PARP8: variants seen among roughly 807,000 people sequenced by gnomAD.
The protein encoded by PARP8 is protein mono-ADP-ribosyltransferase PARP8.
PARP8 carries 51 observed loss-of-function variants against 124.1 expected under a neutral mutation model. That is an observed-to-expected ratio of 0.41 (90% CI 0.33 to 0.52). The LOEUF is 0.52. Ranked by LOEUF, PARP8 falls within the 20% of genes least tolerant of loss-of-function variation. The pLI, the probability that PARP8 is intolerant of heterozygous loss-of-function variation, is 0.21. For synonymous variants in PARP8, 391 were observed against 361.5 expected (o/e 1.08, Z -0.93); for missense variants, 860 against 1,018.9 (o/e 0.84, Z 2.12).
intron 9 of PARP8, among the ~76,000 whole-genome samples, chr5:50,783,203 G>C (rs148237360): frequency 2.0e-5 from 3 of 152,178 alleles, no homozygotes; most frequent in African/African-American, 7.2e-5. Context: ...GGGAGACAGG[G>C]AAGGGAGATG....
At chr5:50,817,092 G>T (rs1745189094) in intron 15 of PARP8, among the ~76,000 whole-genome samples, 1 of 151,998 alleles carries the variant, frequency 6.6e-6, no homozygotes, top group African/African-American at 2.4e-5. Flanking sequence ...CTTTAAAAAA[G>T]AAATTAAAGG....
In PARP8 at chr5:50,819,427, CTTTTTTTTTTTTTTTTT is replaced by C. The variant is rs34347134; in HGVS notation, c.1669-1772_1669-1756del. ...GTCTCAGAAAAGGCTATTTTATCTT[CTTTTTTTTTTTTTTTTT>C]TTTTTTTTTTTTTGAGACGGAGTTT... On this transcript the variant is annotated intron_variant, in intron 15 of 25. Transcript: ENST00000281631. 3.9e-4 allele frequency among the ~76,000 whole-genome samples: 18 copies of C among 46,654 alleles called. 1 individual carries two copies. Among genetic ancestry groups the C allele is most frequent in the Middle Eastern group, 0.022 (1 of 46 alleles). 30.6% of individuals were successfully genotyped at this position (46,654 alleles called of 152,430 possible).
At position 50,667,103 on chromosome 5, in the gene PARP8, T is replaced by C. The variant is rs1025514109; in HGVS notation, c.8T>C (p.Met3Thr). 6.3e-7 allele frequency: 1 copy of C among 1,595,948 alleles called. No homozygotes were observed. Among genetic ancestry groups the C allele is most frequent in the African/African-American group, 1.3e-5 (1 of 74,716 alleles). Residue 3 changes from methionine (M) to threonine (T), a missense_variant, in exon 1 of 26, where the codon ATG becomes ACG. By Grantham distance (81) the Met-to-Thr change is moderately conservative (BLOSUM62 -1). Around this residue, in one of 2 missense-constraint regions of PARP8, gnomAD observed 517 missense variants for 544.2 expected, o/e 0.95. Transcript: ENST00000281631. MGMCSRQERIQKD... is the reference protein window; with the variant it reads MGTCSRQERIQKD... Reference sequence around the variant, plus strand: ...TTTCCAGGGATTTATTTAATGGGGATGTGTTCAAGGCAAGAGCGAATTCAG... The same window carrying C: ...TTTCCAGGGATTTATTTAATGGGGACGTGTTCAAGGCAAGAGCGAATTCAG...
At chr5:50,757,997 CAG>C (rs1760149938) in intron 3 of PARP8, among the ~76,000 whole-genome samples, 1 of 151,976 alleles carries the variant, frequency 6.6e-6, no homozygotes, top group African/African-American at 2.4e-5. Flanking sequence ...ACAGGGAAAA[CAG>C]ATAATTAGGT....
At chr5:50,802,572 C>T (rs974417947) in intron 14 of PARP8, among the ~76,000 whole-genome samples, 3 of 152,184 alleles carry the variant, frequency 2.0e-5, no homozygotes, top group Admixed American at 1.3e-4. Flanking sequence ...ATTCTCCCTT[C>T]TCCCGAAGTA....
chr5:50,723,122 GTA>G (rs1221460621), intron 2 of PARP8, among the ~76,000 whole-genome samples: 6 of 152,072 alleles, frequency 3.9e-5, no homozygotes, highest in Admixed American at 3.9e-4. Context: ...GCAAATAGTA[GTA>G]GTAAGCTAAA....
chr5:50,816,539 A>T (rs1745125620), intron 15 of PARP8, among the ~76,000 whole-genome samples: 1 of 152,192 alleles, frequency 6.6e-6, no homozygotes, highest in African/African-American at 2.4e-5. Context: ...CATTTTAATT[A>T]ACTAAAACTA....
chr5:50,673,409 T>A (rs1750262082), intron 2 of PARP8, among the ~76,000 whole-genome samples: 1 of 152,218 alleles, frequency 6.6e-6, no homozygotes, highest in African/African-American at 2.4e-5. Flanking sequence ...AAGGTGATCC[T>A]ATAGTGATAT....
chr5:50,825,633 A>G (rs1466159001), intron 18 of PARP8, among the ~76,000 whole-genome samples: 1 of 152,186 alleles, frequency 6.6e-6, no homozygotes, highest in Non-Finnish European at 1.5e-5. Flanking sequence ...TGCAAAATGA[A>G]GACACTAGTT....
intron 2 of PARP8, among the ~76,000 whole-genome samples, chr5:50,719,784 G>A (rs1755688875): frequency 6.6e-6 from 1 of 152,034 alleles, no homozygotes; most frequent in Non-Finnish European, 1.5e-5. Context: ...AGAATAAAGA[G>A]AGAAGTTATA....
intron 2 of PARP8, among the ~76,000 whole-genome samples, chr5:50,735,402 A>G (rs1329999676): frequency 6.6e-6 from 1 of 152,140 alleles, no homozygotes; most frequent in African/African-American, 2.4e-5. Flanking sequence ...TGGTACAATC[A>G]AATTCTCTTA....
chr5:50,725,982 GTTTATGGTTATGC>G (rs1251455992), intron 2 of PARP8, among the ~76,000 whole-genome samples: 1 of 152,084 alleles, frequency 6.6e-6, no homozygotes, highest in Admixed American at 6.6e-5. Context: ...AGCCTGAGCT[GTTTATGGTTATGC>G]TACCTACTCC....
In PARP8 at chr5:50,667,149, C is replaced by G. The variant is rs142213709; in HGVS notation, c.54C>G (p.Ile18Met). The change falls in exon 1 of 26, where the codon ATC becomes ATG. Residue 18 changes from isoleucine to methionine, a missense_variant. This residue lies in a region of PARP8 where 517 missense variants were observed against 544.2 expected (regional missense o/e 0.95). Coordinates refer to ENST00000281631, the MANE Select transcript of PARP8 (RefSeq NM_024615.4). ...ERIQKDIDVVIQKSRAEKDCL... is the reference protein window; with the variant it reads ...ERIQKDIDVVMQKSRAEKDCL... Reference sequence around the variant, plus strand: ...TTCAGAAGGATATCGACGTCGTGATCCAGAAGTCCAGAGCTGAGAAGGACT... The same window carrying G: ...TTCAGAAGGATATCGACGTCGTGATGCAGAAGTCCAGAGCTGAGAAGGACT... The G allele has an allele frequency of 4.2e-5, 67 of 1,596,300 alleles. No homozygotes were observed. In the African/African-American group the frequency reaches 5.6e-4, roughly 13 times the overall value.
chr5:50,687,738 T>C (rs1387447489), intron 2 of PARP8, among the ~76,000 whole-genome samples: 1 of 151,924 alleles, frequency 6.6e-6, no homozygotes, highest in Non-Finnish European at 1.5e-5. Context: ...GCAGGAAAAC[T>C]CCCCCGTATA....
intron 2 of PARP8, among the ~76,000 whole-genome samples, chr5:50,722,411 G>A (rs1385198522): frequency 6.6e-6 from 1 of 152,004 alleles, no homozygotes; most frequent in Non-Finnish European, 1.5e-5. Flanking sequence ...CTAGTAGTTT[G>A]CAGAGGAGGA....
chr5:50,705,782 A>C (rs1027008845), intron 2 of PARP8, among the ~76,000 whole-genome samples: 41 of 146,386 alleles, frequency 2.8e-4, no homozygotes, highest in Admixed American at 1.5e-3. Context: ...TCTGTTTCCC[A>C]AAAAAAAAAG....
intron 7 of PARP8, among the ~76,000 whole-genome samples, chr5:50,768,746 T>C (rs1460487640): frequency 1.3e-5 from 2 of 152,212 alleles, no homozygotes; most frequent in African/African-American, 4.8e-5. Context: ...CCTGGGCCAC[T>C]GAAAGTTATT....
chr5:50,734,370 G>A (rs745612811), intron 2 of PARP8, among the ~76,000 whole-genome samples: 3 of 152,144 alleles, frequency 2.0e-5, no homozygotes, highest in Middle Eastern at 3.2e-3. Flanking sequence ...TTTGTGTGAT[G>A]GTGTAGGAGT....
intron 10 of PARP8, among the ~76,000 whole-genome samples, chr5:50,793,523 T>A (rs2149645840): frequency 6.6e-6 from 1 of 152,234 alleles, no homozygotes; most frequent in African/African-American, 2.4e-5. Context: ...ATATCGACAT[T>A]AGGAGTTACC....
Sources: gnomAD v4.1 joint callset for allele counts (sites outside exome capture counted in the v4.1 genomes callset) on GRCh38, gnomAD v4.1.1 for gene constraint, gnomAD v4.1.1 regional missense constraint, MANE v1.5 for transcripts, NCBI Gene and HGNC (gene_info 2026-07-23, HGNC 2026-07-21) for gene names.